BMP5: variants seen among roughly 807,000 people sequenced by gnomAD.
BMP5 encodes the protein bone morphogenetic protein 5.
BMP5 carries 23 observed loss-of-function variants against 46.6 expected under a neutral mutation model. The ratio of observed to expected loss-of-function variants is 0.49; its 90% CI spans 0.35 to 0.70. The LOEUF (loss-of-function observed/expected upper bound fraction) is 0.70. BMP5 is among the 30% of genes least tolerant of loss of function. The pLI is 0.00. For synonymous variants in BMP5, 204 were observed against 191.9 expected (o/e 1.06, Z -0.52); for missense variants, 545 against 565.6 (o/e 0.96, Z 0.37).
At chr6:55,845,788 A>T (rs1381318433) in intron 1 of BMP5, among the ~76,000 whole-genome samples, 3 of 151,912 alleles carry the variant, frequency 2.0e-5, no homozygotes, top group African/African-American at 4.8e-5. Flanking sequence ...CCTTCATGTC[A>T]GTCTTCTTGA....
chr6:55,831,647 A>G (rs1467538124), intron 1 of BMP5, among the ~76,000 whole-genome samples: 1 of 148,412 alleles, frequency 6.7e-6, no homozygotes, highest in Non-Finnish European at 1.5e-5. Context: ...TTAAAAAATA[A>G]AAAAAAAATG....
At chr6:55,763,411 G>A (rs1345719463) in intron 4 of BMP5, among the ~76,000 whole-genome samples, 3 of 152,094 alleles carry the variant, frequency 2.0e-5, no homozygotes, top group Non-Finnish European at 4.4e-5. Flanking sequence ...CCAAGAGTCT[G>A]ATTTCATAGA....
At chr6:55,838,806 C>T (rs2127544809) in intron 1 of BMP5, among the ~76,000 whole-genome samples, 1 of 152,288 alleles carries the variant, frequency 6.6e-6, no homozygotes, top group South Asian at 2.1e-4. Flanking sequence ...TGCTGCCATG[C>T]TTATCTAGAA....
chr6:55,804,389 C>A (rs1775936744), intron 2 of BMP5, among the ~76,000 whole-genome samples: 1 of 152,144 alleles, frequency 6.6e-6, no homozygotes, highest in Admixed American at 6.5e-5. Flanking sequence ...GGGAAGGAAG[C>A]ATCATCCTCT....
rs71874169 is a variant in BMP5 at position 55,836,627 on chromosome 6, T to TACAC, written c.491-16781_491-16780insGTGT. On this transcript the variant is annotated intron_variant, in intron 1 of 6. Transcript: ENST00000370830. ...ACCAACACACACACAAACACATACA[T>TACAC]ACATACACACACACACACACACACA... Among the ~76,000 whole-genome samples the TACAC allele has an allele frequency of 9.1e-3, 1,158 of 127,330 alleles. 16 individuals are homozygous for TACAC. The highest frequency in any genetic ancestry group is 0.034 in the African/African-American group (1,123 of 33,154). 83.5% of individuals were successfully genotyped at this position (127,330 alleles called of 152,430 possible).
chr6:55,853,777 G>A (rs757963432), intron 1 of BMP5, among the ~76,000 whole-genome samples: 2 of 152,092 alleles, frequency 1.3e-5, no homozygotes, highest in Non-Finnish European at 2.9e-5. Context: ...AGTCAAACCC[G>A]ATACACATGG....
At chr6:55,861,965 A>T (rs899605616) in intron 1 of BMP5, among the ~76,000 whole-genome samples, 4 of 152,254 alleles carry the variant, frequency 2.6e-5, no homozygotes, top group Admixed American at 2.6e-4. Context: ...CAATTTCTTC[A>T]TCTATAAAAC....
At chr6:55,782,914 C>T (rs1467485200) in intron 3 of BMP5, among the ~76,000 whole-genome samples, 1 of 152,128 alleles carries the variant, frequency 6.6e-6, no homozygotes, top group Non-Finnish European at 1.5e-5. Context: ...AGCCTTGTCA[C>T]ACTACTAAAG....
chr6:55,828,621 T>G (rs186952732), intron 1 of BMP5, among the ~76,000 whole-genome samples: 1 of 151,934 alleles, frequency 6.6e-6, no homozygotes, highest in Admixed American at 6.6e-5. Flanking sequence ...TTTTAGTGTA[T>G]TCAATGTTTA....
chr6:55,774,460 T>C (rs1266438557), intron 3 of BMP5, among the ~76,000 whole-genome samples: 1 of 151,940 alleles, frequency 6.6e-6, no homozygotes, highest in Admixed American at 6.6e-5. Context: ...CACCACAGAA[T>C]ACCCTCCAGC....
chr6:55,818,306 A>G (rs1359297094), intron 2 of BMP5, among the ~76,000 whole-genome samples: 2 of 151,998 alleles, frequency 1.3e-5, no homozygotes, highest in Admixed American at 6.6e-5. Context: ...AATGACAAAC[A>G]TAAGTGATCT....
At chr6:55,873,928 C>T (rs1007733224) in intron 1 of BMP5, among the ~76,000 whole-genome samples, 1 of 151,730 alleles carries the variant, frequency 6.6e-6, no homozygotes, top group African/African-American at 2.4e-5. Flanking sequence ...AGTTGCCTCC[C>T]CTAGATGAGA....
intron 3 of BMP5, among the ~76,000 whole-genome samples, chr6:55,786,024 T>C (rs1197816427): frequency 6.6e-6 from 1 of 151,776 alleles, no homozygotes; most frequent in African/African-American, 2.4e-5. Context: ...CCTAACACAA[T>C]TACTTGAGAA....
chr6:55,763,349 T>C (rs1444331571), intron 4 of BMP5, among the ~76,000 whole-genome samples: 1 of 152,142 alleles, frequency 6.6e-6, no homozygotes, highest in Non-Finnish European at 1.5e-5. Context: ...ATGTATATAA[T>C]GTAACATCAC....
chr6:55,778,170 A>G (rs1217445417), intron 3 of BMP5, among the ~76,000 whole-genome samples: 2 of 152,022 alleles, frequency 1.3e-5, no homozygotes, highest in Non-Finnish European at 2.9e-5. Flanking sequence ...TTGCAAGAGA[A>G]AAATTCCCTT....
chr6:55,855,409 T>C (rs1336454911), intron 1 of BMP5, among the ~76,000 whole-genome samples: 1 of 152,182 alleles, frequency 6.6e-6, no homozygotes, highest in East Asian at 1.9e-4. Context: ...GGGGGGGATT[T>C]TTAATATATT....
chr6:55,811,327 C>T (rs1266379297), intron 2 of BMP5, among the ~76,000 whole-genome samples: 1 of 152,094 alleles, frequency 6.6e-6, no homozygotes, highest in Non-Finnish European at 1.5e-5. Context: ...AATGTTTTCA[C>T]AATGGAGTAC....
chr6:55,756,560 AGAG>A (rs1774606278), intron 6 of BMP5, among the ~76,000 whole-genome samples: 1 of 151,894 alleles, frequency 6.6e-6, no homozygotes, highest in Non-Finnish European at 1.5e-5. Flanking sequence ...CCCTTCCCCC[AGAG>A]GAGTTTATGG....
intron 4 of BMP5, chr6:55,772,773 A>C (rs1402260561): frequency 1.0e-6 from 1 of 985,178 alleles, no homozygotes; most frequent in Admixed American, 6.2e-5. Flanking sequence ...TTAATTCAGT[A>C]TAATGCAATT....
Sources: allele counts gnomAD v4.1 joint callset (sites outside exome capture counted in the v4.1 genomes callset), GRCh38; gene constraint gnomAD v4.1.1; transcripts MANE v1.5; gene names NCBI Gene and HGNC (gene_info 2026-07-23, HGNC 2026-07-21).